RDX: variants seen among roughly 807,000 people sequenced by gnomAD.
RDX encodes the protein deafness, autosomal recessive 24.
RDX carries 32 observed loss-of-function variants against 83.7 expected under a neutral mutation model. The ratio of observed to expected loss-of-function variants is 0.38; its 90% confidence interval spans 0.29 to 0.51. The LOEUF is 0.51. RDX is among the 20% of genes least tolerant of loss of function. RDX has a pLI of 0.87. For missense variants in RDX, 600 were observed against 689.9 expected, an observed-to-expected ratio of 0.87 and a Z score of 1.46; for synonymous variants, 229 against 222.7, an observed-to-expected ratio of 1.03 and a Z score of -0.25.
intron 14 of RDX, among the ~76,000 whole-genome samples, chr11:110,223,145 G>C (rs1368109757): frequency 2.6e-5 from 4 of 151,872 alleles, no homozygotes; most frequent in Non-Finnish European, 5.9e-5. Flanking sequence ...GAGGTCAGGA[G>C]GTCAAAACCA....
At chr11:110,209,892 A>G (rs1863767877) in intron 14 of RDX, among the ~76,000 whole-genome samples, 2 of 148,558 alleles carry the variant, frequency 1.3e-5, no homozygotes, top group South Asian at 4.3e-4. Context: ...TGGGGAAAAA[A>G]CAGAACAGAA....
At chr11:110,223,085 T>A (rs931178261) in intron 14 of RDX, among the ~76,000 whole-genome samples, 1 of 152,158 alleles carries the variant, frequency 6.6e-6, no homozygotes, top group African/African-American at 2.4e-5. Context: ...GCACGGTGGC[T>A]CACACCTGTA....
chr11:110,197,302 T>C (rs924292351), intron 15 of RDX, among the ~76,000 whole-genome samples: 5 of 152,164 alleles, frequency 3.3e-5, no homozygotes, highest in African/African-American at 1.2e-4. Context: ...GGAGAAGCCC[T>C]GGGGGCAGTG....
intron 8 of RDX, among the ~76,000 whole-genome samples, chr11:110,254,724 T>C (rs575596870): frequency 1.3e-5 from 2 of 152,216 alleles, no homozygotes; most frequent in East Asian, 3.9e-4. Flanking sequence ...GATCTGCTCC[T>C]CTCGAGCCTC....
intron 15 of RDX, among the ~76,000 whole-genome samples, chr11:110,180,859 C>T (rs539735613): frequency 1.3e-5 from 2 of 151,960 alleles, no homozygotes; most frequent in Non-Finnish European, 2.9e-5. Flanking sequence ...TTTAGAAAAT[C>T]GGAGCTCCAG....
chr11:110,275,402 G>C (rs1168484208), intron 2 of RDX, among the ~76,000 whole-genome samples: 1 of 152,160 alleles, frequency 6.6e-6, no homozygotes, highest in Non-Finnish European at 1.5e-5. Context: ...AGGGAACTCA[G>C]TCACATCATC....
chr11:110,293,058 G>A (rs1861308339), intron 1 of RDX, among the ~76,000 whole-genome samples: 3 of 152,194 alleles, frequency 2.0e-5, no homozygotes, highest in African/African-American at 7.2e-5. Context: ...ATTCTATTGT[G>A]TGCTTTTATT....
chr11:110,289,808 G>A lies in RDX; in HGVS notation c.-65+6659C>T, dbSNP rs146029427. ...CTAAAAATATAAAAATTAGTCAGAC[G>A]TGGTGACCTGTTTGGTGGTGTGCAT... On this transcript the variant is annotated intron_variant, in intron 1 of 13. Coordinates refer to ENST00000645495, the MANE Select transcript of RDX (RefSeq NM_002906.4). 3.3e-4 allele frequency among the ~76,000 whole-genome samples: 50 copies of A among 150,520 alleles called. No homozygotes were observed. The East Asian group carries it at 8.1e-3, about 24-fold the overall frequency.
chr11:110,214,756 C>T (rs2134263157), intron 14 of RDX, among the ~76,000 whole-genome samples: 1 of 88,576 alleles, frequency 1.1e-5, no homozygotes, highest in South Asian at 4.5e-4. Context: ...AAACCAAACA[C>T]CACATATTCT....
At chr11:110,287,960 G>A (rs1478672634) in intron 1 of RDX, among the ~76,000 whole-genome samples, 3 of 152,108 alleles carry the variant, frequency 2.0e-5, no homozygotes, top group Non-Finnish European at 2.9e-5. Context: ...ACAATTACTA[G>A]GGCTTTTCAA....
At chr11:110,232,349 T>C (rs1864671663) in intron 13 of RDX, among the ~76,000 whole-genome samples, 1 of 152,158 alleles carries the variant, frequency 6.6e-6, no homozygotes, top group African/African-American at 2.4e-5. Context: ...TTAAAATCTA[T>C]ACCTCAAGGG....
chr11:110,221,603 C>A (rs1055949585), intron 14 of RDX, among the ~76,000 whole-genome samples: 2 of 129,118 alleles, frequency 1.5e-5, no homozygotes, highest in Non-Finnish European at 3.3e-5. Flanking sequence ...GTCTCCAAAA[C>A]ACACACACAC....
At chr11:110,240,280 C>G (rs1242971151) in intron 10 of RDX, among the ~76,000 whole-genome samples, 1 of 152,044 alleles carries the variant, frequency 6.6e-6, no homozygotes, top group Non-Finnish European at 1.5e-5. Flanking sequence ...GTGAAATAAA[C>G]CAAGCACAGA....
At chr11:110,190,213 G>A (rs1863076840) in intron 15 of RDX, among the ~76,000 whole-genome samples, 2 of 152,204 alleles carry the variant, frequency 1.3e-5, no homozygotes, top group African/African-American at 2.4e-5. Context: ...GCCAAGGTGG[G>A]TGGATTACTT....
chr11:110,186,501 A>G (rs1249891436), intron 15 of RDX, among the ~76,000 whole-genome samples: 4 of 152,026 alleles, frequency 2.6e-5, no homozygotes, highest in Non-Finnish European at 4.4e-5. Flanking sequence ...ATAGCAAAAT[A>G]GTGCATAAAG....
chr11:110,263,880 A>C, intron 5 of RDX, 80 bp downstream of exon 5: 1 of 1,415,400 alleles, frequency 7.1e-7, no homozygotes. Context: ...AAAAAAAAAA[A>C]AAACCTGAAA....
chr11:110,233,610 T>A (rs1864728561), intron 12 of RDX, 131 bp from the exon 13 acceptor site: 1 of 909,194 alleles, frequency 1.1e-6, no homozygotes. Context: ...ATGAAACCTC[T>A]ATTTTCATAA....
At chr11:110,179,906 T>TTC (rs1555026105) in intron 15 of RDX, 17 of 362,880 alleles carry the variant, frequency 4.7e-5, no homozygotes, top group Middle Eastern at 5.5e-4. Flanking sequence ...CTTTTTTCTT[T>TTC]TTTTTTTTTT....
chr11:110,215,512 A>C (rs778467812), intron 14 of RDX, among the ~76,000 whole-genome samples: 1 of 152,114 alleles, frequency 6.6e-6, no homozygotes, highest in Non-Finnish European at 1.5e-5. Flanking sequence ...GGAGCACTAA[A>C]CTGGACAGAC....
Sources: allele counts gnomAD v4.1 joint callset (sites outside exome capture counted in the v4.1 genomes callset), GRCh38; gene constraint gnomAD v4.1.1; transcripts MANE v1.5; gene names NCBI Gene and HGNC (gene_info 2026-07-23, HGNC 2026-07-21).